The following SATB2 variants were observed in gnomAD, a reference collection of about 807,000 sequenced individuals.
The protein encoded by SATB2 is DNA-binding protein SATB2.
In SATB2, 1 loss-of-function variant was observed where a neutral mutation model predicts 73.4. That is an observed-to-expected ratio of 0.01 (90% CI 0.00 to 0.06). The LOEUF is 0.06. Ranked by LOEUF, SATB2 falls within the 10% of genes least tolerant of loss-of-function variation. The pLI is 1.00. For missense variants in SATB2, 459 were observed against 945.8 expected (o/e 0.49, Z 6.75); for synonymous variants, 397 against 367.0 (o/e 1.08, Z -0.93).
In SATB2 at chr2:199,271,575, A is replaced by T. The variant is rs1405850812; in HGVS notation, c.*636T>A. ...GCCATAGAATTAAAAAAAAAAAATC[A>T]GGGACAAACACAAAAAATAAATAGG... On this transcript the variant is annotated 3_prime_UTR_variant, in exon 11 of 11. Transcript: ENST00000417098. The T allele has an allele frequency of 6.6e-6, 1 of 151,058 alleles. No individual in the cohort carries two copies. The highest frequency in any genetic ancestry group is 1.5e-5 in the Non-Finnish European group (1 of 67,718). The allele number at this position is 151,058 out of a possible 1,614,324, so 9.4% of individuals were successfully genotyped here. A position where few individuals can be genotyped will look rare whatever the true frequency, so the allele number is the denominator to read the frequency against.
At position 199,342,846 on chromosome 2, in the gene SATB2, A is replaced by T. The variant is rs188556606; in HGVS notation, c.1173+5855T>A. On this transcript the variant is annotated intron_variant, in intron 7 of 10. Transcript: ENST00000417098. ...TATTCTTAAAAGACATATTTATTAAAATAAAAATAAACTAAAAAGAAGCTC... is the reference window on the plus strand; with the variant it reads ...TATTCTTAAAAGACATATTTATTAATATAAAAATAAACTAAAAAGAAGCTC... Among the ~76,000 whole-genome samples, 253 of 152,322 alleles carry T rather than the reference A, an allele frequency of 1.7e-3. 1 individual carries two copies. Among genetic ancestry groups the T allele is most frequent in the Middle Eastern group, 3.4e-3 (1 of 294 alleles).
rs386392268 is a variant in SATB2, at chr2:199,269,698, A to AC, written c.*2512_*2513insG. 1 of 2,674 alleles carries AC rather than the reference A, an allele frequency of 3.7e-4. No individual in the cohort carries two copies. The highest frequency in any genetic ancestry group is 0.033 in the Admixed American group (1 of 30). 0.2% of individuals were successfully genotyped at this position (2,674 alleles called of 1,614,324 possible). A position where few individuals can be genotyped will look rare whatever the true frequency, so the allele number is the denominator to read the frequency against. On this transcript the variant is annotated 3_prime_UTR_variant, in exon 11 of 11. Transcript: ENST00000417098. ...ACACAATTTGTTTTTTTCATTTCAC[A>AC]AAAAAAAAAAAAGGCGGGAAATTGT...
intron 2 of SATB2, among the ~76,000 whole-genome samples, chr2:199,435,328 G>T: frequency 1.3e-5 from 2 of 151,844 alleles, no homozygotes; most frequent in Non-Finnish European, 2.9e-5. Context: ...AGGACATGTA[G>T]CGAATAATAT....
At chr2:199,441,111 C>T (rs919806582) in intron 2 of SATB2, among the ~76,000 whole-genome samples, 6 of 151,956 alleles carry the variant, frequency 3.9e-5, no homozygotes, top group Admixed American at 2.6e-4. Flanking sequence ...CCTCCCAAAG[C>T]GCTGGGATTA....
At chr2:199,307,125 C>T (rs531719611) in intron 10 of SATB2, among the ~76,000 whole-genome samples, 117 of 151,836 alleles carry the variant, frequency 7.7e-4, no homozygotes, top group Non-Finnish European at 1.3e-3. Flanking sequence ...GTGGAGATGC[C>T]GGGGGAGTGA....
chr2:199,353,247 C>A (rs1297340612), intron 6 of SATB2, among the ~76,000 whole-genome samples: 1 of 150,332 alleles, frequency 6.7e-6, no homozygotes. Context: ...CTCCACCTCC[C>A]AGGTTCAAGT....
chr2:199,415,722 C>G (rs1469782525), intron 3 of SATB2, among the ~76,000 whole-genome samples: 1 of 152,174 alleles, frequency 6.6e-6, no homozygotes, highest in Non-Finnish European at 1.5e-5. Context: ...TCTCTAATGC[C>G]TTCCCACAAG....
At chr2:199,316,075 A>G (rs959087325) in intron 9 of SATB2, among the ~76,000 whole-genome samples, 3 of 152,034 alleles carry the variant, frequency 2.0e-5, no homozygotes, top group Non-Finnish European at 4.4e-5. Context: ...TCAAAAGGAA[A>G]CTCATATTAT....
At chr2:199,329,174 G>A in intron 7 of SATB2, 1 of 471,378 alleles carries the variant, frequency 2.1e-6, no homozygotes. Flanking sequence ...AGCTAGCAAG[G>A]TAGGCACTTG....
chr2:199,457,104 G>C lies in SATB2; in HGVS notation c.-60+235C>G, dbSNP rs1692304054. Among the ~76,000 whole-genome samples, 1 of 152,160 alleles carries C rather than the reference G, an allele frequency of 6.6e-6. No homozygotes were observed. The highest frequency in any genetic ancestry group is 2.4e-5 in the African/African-American group (1 of 41,456). ...GGGAATCCTCGTGGGCGCTCTGGCC[G>C]CGCGAGCAGTGTCGGCGCCACGGGT... On this transcript the variant is annotated intron_variant, in intron 1 of 10. Transcript: ENST00000417098. This position sits in a 1 kb window ranked among gnomAD's most constrained non-coding sequence, Gnocchi z 4.8.
In SATB2 at chr2:199,270,169, T is replaced by C. The variant is rs1394237621; in HGVS notation, c.*2042A>G. 4 of 152,860 alleles carry C rather than the reference T, an allele frequency of 2.6e-5. No homozygotes were observed. The highest frequency in any genetic ancestry group is 9.6e-5 in the African/African-American group (4 of 41,566). 9.5% of individuals were successfully genotyped at this position (152,860 alleles called of 1,614,324 possible). A position where few individuals can be genotyped will look rare whatever the true frequency, so the allele number is the denominator to read the frequency against. On this transcript the variant is annotated 3_prime_UTR_variant, in exon 11 of 11. Transcript: ENST00000417098. The stretch of plus-strand genomic sequence containing the variant: ...TAGGAAGGATGGGGCCAGGGCTAAC[T>C]GCAAACAACCATCCTTTTGCAAAGG...
intron 10 of SATB2, among the ~76,000 whole-genome samples, chr2:199,276,386 A>G (rs1282044182): frequency 6.6e-6 from 1 of 152,110 alleles, no homozygotes; most frequent in East Asian, 1.9e-4. Flanking sequence ...TTTTGTCTGA[A>G]TCTCTCAGAA....
chr2:199,459,686 A>G (rs1274563898), upstream of SATB2: 1 of 152,810 alleles, frequency 6.5e-6, no homozygotes, highest in Non-Finnish European at 1.5e-5. The surrounding 1 kb of genome is among the most constrained non-coding windows in gnomAD (Gnocchi z 4.2). Context: ...AGAGCCACCG[A>G]TCCCCCTTAA....
chr2:199,446,942 T>G (rs1230985056), intron 2 of SATB2, among the ~76,000 whole-genome samples: 1 of 152,138 alleles, frequency 6.6e-6, no homozygotes, highest in African/African-American at 2.4e-5. Context: ...GAAAGAAATA[T>G]TCCCCCCTAA....
Position 199,402,887 on chromosome 2 carries a change from T to G in SATB2, c.347-21067A>C, listed in dbSNP as rs547739411. ...AGGCAGGCTTTATAAATCCCTCAGT[T>G]TGACCTTTCAATCAGGACAATGAAG... On this transcript the variant is annotated intron_variant, in intron 3 of 10. Transcript: ENST00000417098. 1.7e-4 allele frequency among the ~76,000 whole-genome samples: 26 copies of G among 152,340 alleles called. No homozygotes were observed. The East Asian group carries it at 5.0e-3, about 29-fold the overall frequency.
intron 6 of SATB2, among the ~76,000 whole-genome samples, chr2:199,352,358 C>G (rs1254386593): frequency 6.6e-6 from 1 of 151,934 alleles, no homozygotes; most frequent in African/African-American, 2.4e-5. Context: ...ATTCATAGAC[C>G]TAGTCAAAAT....
intron 3 of SATB2, among the ~76,000 whole-genome samples, chr2:199,403,747 G>A (rs1172380769): frequency 1.3e-5 from 2 of 152,186 alleles, no homozygotes; most frequent in African/African-American, 4.8e-5. Context: ...CAGTTATAAT[G>A]TTGCCTAAAA....
chr2:199,354,395 A>T (rs1237022581), intron 6 of SATB2, among the ~76,000 whole-genome samples: 1 of 152,132 alleles, frequency 6.6e-6, no homozygotes, highest in African/African-American at 2.4e-5. Flanking sequence ...AACTGCTCCC[A>T]GGGCTTTAAA....
intron 3 of SATB2, chr2:199,396,884 T>C (rs1367997446): frequency 6.6e-6 from 1 of 152,190 alleles, no homozygotes; most frequent in East Asian, 1.9e-4. Context: ...ATTTTTAAAC[T>C]GGTTTTTGAA....
Sources: allele counts gnomAD v4.1 joint callset (sites outside exome capture counted in the v4.1 genomes callset), GRCh38; gene constraint gnomAD v4.1.1; non-coding constraint Gnocchi (gnomAD v3.1); transcripts MANE v1.5; gene names NCBI Gene and HGNC (gene_info 2026-07-23, HGNC 2026-07-21).